The following EPHA5 variants were observed in gnomAD, a reference collection of about 807,000 sequenced individuals.
EPHA5 encodes the protein EPH receptor A5.
EPHA5 carries 60 observed loss-of-function variants against 105.0 expected under a neutral mutation model. That is an observed-to-expected ratio of 0.57 (90% CI 0.46 to 0.71). EPHA5 has a LOEUF of 0.71. EPHA5 is among the 30% of genes least tolerant of loss of function. The pLI, the probability that EPHA5 is intolerant of heterozygous loss-of-function variation, is 0.00. For missense variants in EPHA5, 1,218 were observed against 1,274.7 expected (o/e 0.96, Z 0.68); for synonymous variants, 513 against 449.1 (o/e 1.14, Z -1.80).
intron 6 of EPHA5, 60 bp from the exon 7 acceptor site, chr4:65,414,503 A>G (rs939971006): frequency 6.5e-7 from 1 of 1,543,230 alleles, no homozygotes; most frequent in East Asian, 2.3e-5. Context: ...AATGACAGCA[A>G]AATTTAGAAT....
At chr4:65,568,304 G>T (rs958776619) in intron 3 of EPHA5, among the ~76,000 whole-genome samples, 10 of 151,336 alleles carry the variant, frequency 6.6e-5, no homozygotes, top group Admixed American at 1.3e-4. Flanking sequence ...TGAATATGCA[G>T]GTCTTTTTTG....
intron 2 of EPHA5, among the ~76,000 whole-genome samples, chr4:65,608,309 CCTGA>C (rs1744435161): frequency 6.6e-6 from 1 of 152,018 alleles, no homozygotes; most frequent in Admixed American, 6.6e-5. Flanking sequence ...TCGAGACCAT[CCTGA>C]CTAACACGGT....
chr4:65,437,070 G>A (rs977979431), intron 5 of EPHA5, among the ~76,000 whole-genome samples: 1 of 151,910 alleles, frequency 6.6e-6, no homozygotes, highest in Non-Finnish European at 1.5e-5. Context: ...ATGTAAACGA[G>A]ATTAAAATGT....
At chr4:65,590,730 G>T (rs1742554841) in intron 3 of EPHA5, among the ~76,000 whole-genome samples, 1 of 152,158 alleles carries the variant, frequency 6.6e-6, no homozygotes. Context: ...TGGGTAAGTA[G>T]ATTCCTCAAG....
intron 12 of EPHA5, among the ~76,000 whole-genome samples, chr4:65,352,025 A>G (rs1176164422): frequency 6.6e-6 from 1 of 152,050 alleles, no homozygotes. Flanking sequence ...CTGTAACAGC[A>G]GATGGGAGAC....
intron 3 of EPHA5, among the ~76,000 whole-genome samples, chr4:65,537,628 A>T (rs542389824): frequency 6.6e-6 from 1 of 151,782 alleles, no homozygotes; most frequent in East Asian, 1.9e-4. Context: ...CTAAGGCCAC[A>T]AAAGTGATTT....
intron 8 of EPHA5, among the ~76,000 whole-genome samples, chr4:65,382,541 C>T (rs908231072): frequency 1.3e-5 from 2 of 151,722 alleles, no homozygotes; most frequent in Non-Finnish European, 1.5e-5. Flanking sequence ...GTAGAAGATA[C>T]AGTCATTCTC....
At chr4:65,508,186 A>T (rs1219313596) in intron 3 of EPHA5, among the ~76,000 whole-genome samples, 1 of 152,218 alleles carries the variant, frequency 6.6e-6, no homozygotes, top group East Asian at 1.9e-4. Context: ...TGGATGATTT[A>T]TTCTGTAATT....
chr4:65,502,488 A>C (rs1038450495), intron 3 of EPHA5, among the ~76,000 whole-genome samples: 1 of 151,290 alleles, frequency 6.6e-6, no homozygotes, highest in African/African-American at 2.4e-5. Flanking sequence ...ACAGTCAACA[A>C]ACATGAAAAA....
chr4:65,404,455 C>A lies in EPHA5; in HGVS notation c.1712G>T (p.Ser571Ile). 1 of 1,613,722 alleles carries A rather than the reference C, an allele frequency of 6.2e-7. No individual in the cohort carries two copies. The highest frequency in any genetic ancestry group is 8.5e-7 in the Non-Finnish European group (1 of 1,179,750). The change falls in exon 8 of 17, where the codon AGC (serine) becomes ATC (isoleucine). Residue 571 changes from serine (S) to isoleucine (I), a missense_variant. Coordinates refer to ENST00000613740, the MANE Select transcript of EPHA5 (RefSeq NM_001281766.3). Reference protein sequence around the residue: ...PVSVAASSDQSQIPVIAVSVT... With the variant: ...PVSVAASSDQIQIPVIAVSVT... ...AGACACAGCAATTACAGGAATCTGGCTTTGATCGCTGGATGCTGCAACTGC... is the reference window on the plus strand; with the variant it reads ...AGACACAGCAATTACAGGAATCTGGATTTGATCGCTGGATGCTGCAACTGC...
At chr4:65,358,377 G>A (rs138100103) in intron 11 of EPHA5, among the ~76,000 whole-genome samples, 5 of 151,592 alleles carry the variant, frequency 3.3e-5, no homozygotes, top group African/African-American at 1.2e-4. Context: ...ACTTGTAAAT[G>A]ATTAAAAGTA....
intron 2 of EPHA5, among the ~76,000 whole-genome samples, chr4:65,640,282 C>T (rs7679902): frequency 1.6e-3 from 143 of 92,186 alleles, no homozygotes; most frequent in East Asian, 2.1e-3. Context: ...TCAGTTTTTT[C>T]TTTTTTTTTT....
intron 2 of EPHA5, among the ~76,000 whole-genome samples, chr4:65,625,887 G>A (rs1224890672): frequency 1.3e-5 from 2 of 152,162 alleles, no homozygotes; most frequent in East Asian, 3.9e-4. Context: ...CGAGGCGGGA[G>A]GATCATGAGG....
In EPHA5 at chr4:65,323,182, C is replaced by CA. The variant is rs1719774341; in HGVS notation, c.*931dup. 1 of 228,678 alleles carries CA rather than the reference C, an allele frequency of 4.4e-6. No individual in the cohort carries two copies. Among genetic ancestry groups the CA allele is most frequent in the Non-Finnish European group, 8.7e-6 (1 of 115,194 alleles). The allele number at this position is 228,678 out of a possible 1,614,324, so 14.2% of individuals were successfully genotyped here. A position where few individuals can be genotyped will look rare whatever the true frequency, so the allele number is the denominator to read the frequency against. On this transcript the variant is annotated 3_prime_UTR_variant, in exon 17 of 17. Coordinates refer to ENST00000613740, the MANE Select transcript of EPHA5 (RefSeq NM_001281766.3). ...AAGCCAAAGGGGATTTAGTCTTATACACATTTCCTTTTAGTGAATAAAGAG... is the reference window on the plus strand; with the variant it reads ...AAGCCAAAGGGGATTTAGTCTTATACAACATTTCCTTTTAGTGAATAAAGAG...
Position 65,495,421 on chromosome 4 carries a change from T to C in EPHA5, c.1033A>G (p.Arg345Gly). 6.2e-7 allele frequency: 1 copy of C among 1,613,700 alleles called. No individual in the cohort carries two copies. Among genetic ancestry groups the C allele is most frequent in the South Asian group, 1.1e-5 (1 of 91,048 alleles). The change falls in exon 4 of 17, where the codon AGA becomes GGA. Residue 345 changes from arginine (R) to glycine (G), a missense_variant. Arg to Gly is a moderately radical substitution (Grantham distance 125, BLOSUM62 -2). Coordinates refer to ENST00000613740, the MANE Select transcript of EPHA5 (RefSeq NM_001281766.3). ...GCCATTGTGGGTGGATCAGACTCTC[T>C]CCTGAAATAATCCTTTTCACAGACA... ...SCVCEKDYFR[R>G]ESDPPTMACT...
intron 3 of EPHA5, among the ~76,000 whole-genome samples, chr4:65,587,640 C>T (rs1388710159): frequency 6.6e-6 from 1 of 152,116 alleles, no homozygotes; most frequent in African/African-American, 2.4e-5. Flanking sequence ...AGTTCGGTTC[C>T]TGACTATTCA....
At chr4:65,412,843 C>A (rs1578055662) in intron 7 of EPHA5, among the ~76,000 whole-genome samples, 2 of 152,128 alleles carry the variant, frequency 1.3e-5, no homozygotes, top group East Asian at 3.9e-4. Flanking sequence ...TGAAGAAAAA[C>A]CAGTTGCTGA....
At chr4:65,556,927 G>A (rs1426408247) in intron 3 of EPHA5, among the ~76,000 whole-genome samples, 1 of 151,740 alleles carries the variant, frequency 6.6e-6, no homozygotes, top group Non-Finnish European at 1.5e-5. Context: ...ACGGAATGTT[G>A]CAAACTCATG....
At chr4:65,455,538 A>C (rs1289291505) in intron 5 of EPHA5, among the ~76,000 whole-genome samples, 1 of 151,788 alleles carries the variant, frequency 6.6e-6, no homozygotes, top group East Asian at 1.9e-4. Context: ...GTGTAGATTT[A>C]TTTTAACACT....
Sources: allele counts gnomAD v4.1 joint callset (sites outside exome capture counted in the v4.1 genomes callset), GRCh38; gene constraint gnomAD v4.1.1; transcripts MANE v1.5; gene names NCBI Gene and HGNC (gene_info 2026-07-23, HGNC 2026-07-21).